TENM2: variants seen among roughly 807,000 people sequenced by gnomAD.
TENM2 encodes the protein teneurin transmembrane protein 2.
Under a neutral mutation model 245.2 loss-of-function variants are expected in TENM2, and 52 were observed. That is an observed-to-expected ratio of 0.21 (90% CI 0.17 to 0.27). The LOEUF is 0.27. TENM2 is among the 10% of genes least tolerant of loss of function. The probability of loss-of-function intolerance (pLI) is 1.00; values close to 1 mark genes in which losing one functional copy is unlikely to be tolerated. For synonymous variants in TENM2, 1,363 were observed against 1,438.9 expected, an observed-to-expected ratio of 0.95 and a Z score of 1.19; for missense variants, 3,046 against 3,666.8, an observed-to-expected ratio of 0.83 and a Z score of 4.37.
At chr5:167,978,931 T>C (rs1004576706) in intron 4 of TENM2, among the ~76,000 whole-genome samples, 1 of 152,140 alleles carries the variant, frequency 6.6e-6, no homozygotes, top group African/African-American at 2.4e-5. Flanking sequence ...AGTCTCTTGC[T>C]CCAGTCTTCT....
chr5:167,698,662 GTTTTGTTTTGTT>G (rs1349229563), intron 2 of TENM2, among the ~76,000 whole-genome samples: 33 of 128,906 alleles, frequency 2.6e-4, no homozygotes, highest in African/African-American at 9.9e-4. Flanking sequence ...GTGTGTGTGT[GTTTTGTTTTGTT>G]TTTTGTTTTT....
chr5:167,185,317 T>G, the TENM2 span, among the ~76,000 whole-genome samples: 1 of 152,108 alleles, frequency 6.6e-6, no homozygotes, highest in African/African-American at 2.4e-5. Context: ...CCTAGTTGAT[T>G]TGGGGATTTT....
At chr5:167,108,394 A>T in the TENM2 span, among the ~76,000 whole-genome samples, 60 of 152,062 alleles carry the variant, frequency 3.9e-4, no homozygotes, top group Admixed American at 3.9e-3. Flanking sequence ...CCAAAGTGCT[A>T]GGATTACAGG....
chr5:167,215,964 A>G, the TENM2 span, among the ~76,000 whole-genome samples: 7 of 152,166 alleles, frequency 4.6e-5, no homozygotes, highest in African/African-American at 9.7e-5. Context: ...GTGATTTTCA[A>G]TGTATCCATA....
chr5:168,145,839 A>G (rs1339710572), intron 12 of TENM2, among the ~76,000 whole-genome samples: 1 of 147,462 alleles, frequency 6.8e-6, no homozygotes, highest in Non-Finnish European at 1.5e-5. Flanking sequence ...ATTTGTTTGT[A>G]TCCTCTTTTA....
At chr5:167,212,360 G>A in the TENM2 span, among the ~76,000 whole-genome samples, 1 of 152,258 alleles carries the variant, frequency 6.6e-6, no homozygotes, top group African/African-American at 2.4e-5. Context: ...TTTTCATTGT[G>A]CTCAGCAACA....
chr5:167,295,456 T>C (rs1754896133), intron 1 of TENM2, among the ~76,000 whole-genome samples: 1 of 152,176 alleles, frequency 6.6e-6, no homozygotes, highest in Non-Finnish European at 1.5e-5. Context: ...ATGTGATCTG[T>C]GCAGGGATGC....
chr5:167,551,009 G>T (rs1004504302), intron 2 of TENM2, among the ~76,000 whole-genome samples: 1 of 152,050 alleles, frequency 6.6e-6, no homozygotes, highest in Non-Finnish European at 1.5e-5. Context: ...GATTACAGGC[G>T]TGAGCCACCA....
the TENM2 span, among the ~76,000 whole-genome samples, chr5:167,273,905 T>G: frequency 6.6e-6 from 1 of 152,256 alleles, no homozygotes; most frequent in South Asian, 2.1e-4. Flanking sequence ...GGGATTTTTT[T>G]AAAGTAGGCT....
chr5:167,317,858 G>A (rs984354982), intron 1 of TENM2, among the ~76,000 whole-genome samples: 1 of 152,038 alleles, frequency 6.6e-6, no homozygotes, highest in Non-Finnish European at 1.5e-5. Flanking sequence ...AAGGGAAGAG[G>A]GGATAAAAAG....
chr5:167,351,195 A>T (rs1461223728), intron 1 of TENM2, among the ~76,000 whole-genome samples: 1 of 150,158 alleles, frequency 6.7e-6, no homozygotes, highest in Non-Finnish European at 1.5e-5. Flanking sequence ...ATATATGGAT[A>T]TATATATATG....
the TENM2 span, among the ~76,000 whole-genome samples, chr5:167,116,062 C>G: frequency 6.6e-6 from 1 of 152,190 alleles, no homozygotes; most frequent in Admixed American, 6.5e-5. Context: ...ATGTTTATTT[C>G]TGCCTGGGAC....
At chr5:167,583,970 C>T (rs1449614586) in intron 2 of TENM2, among the ~76,000 whole-genome samples, 2 of 152,146 alleles carry the variant, frequency 1.3e-5, no homozygotes, top group Non-Finnish European at 2.9e-5. Flanking sequence ...AAGTTTTTCT[C>T]GACTACTCCT....
At chr5:168,180,992 G>T (rs1029841059) in intron 13 of TENM2, among the ~76,000 whole-genome samples, 8 of 152,082 alleles carry the variant, frequency 5.3e-5, no homozygotes. Flanking sequence ...ACACCATACC[G>T]GAGCAGGTAG....
the TENM2 span, among the ~76,000 whole-genome samples, chr5:167,196,592 A>T: frequency 1.3e-5 from 2 of 149,754 alleles, no homozygotes; most frequent in Non-Finnish European, 1.5e-5. Context: ...ATGCTTTCTT[A>T]CACATCTTAA....
the TENM2 span, among the ~76,000 whole-genome samples, chr5:167,198,772 C>G: frequency 6.6e-6 from 1 of 151,978 alleles, no homozygotes; most frequent in Admixed American, 6.6e-5. Context: ...AATTGCTTTT[C>G]CCTGAGGGAA....
the TENM2 span, among the ~76,000 whole-genome samples, chr5:167,069,233 T>C: frequency 6.6e-6 from 1 of 152,158 alleles, no homozygotes; most frequent in Non-Finnish European, 1.5e-5. Context: ...ATCTTGCAAG[T>C]TTTATTCCTA....
the TENM2 span, among the ~76,000 whole-genome samples, chr5:167,140,191 A>G: frequency 6.6e-6 from 1 of 152,178 alleles, no homozygotes; most frequent in African/African-American, 2.4e-5. Context: ...GTAGGTATAT[A>G]TATTTATGGG....
the TENM2 span, among the ~76,000 whole-genome samples, chr5:167,234,912 G>T: frequency 6.6e-6 from 1 of 152,112 alleles, no homozygotes; most frequent in African/African-American, 2.4e-5. Context: ...GTGTATGACT[G>T]CTTCTCAATG....
Sources: allele counts gnomAD v4.1 joint callset (sites outside exome capture counted in the v4.1 genomes callset), GRCh38; gene constraint gnomAD v4.1.1; transcripts MANE v1.5; gene names NCBI Gene and HGNC (gene_info 2026-07-23, HGNC 2026-07-21).